Variants in TTC7B observed in about 807,000 individuals in gnomAD.
TTC7B encodes tetratricopeptide repeat protein 7B.
A neutral mutation model predicts 106.8 loss-of-function variants in TTC7B; 28 were observed. The ratio of observed to expected loss-of-function variants is 0.26; its 90% confidence interval spans 0.19 to 0.36. The LOEUF is 0.36. TTC7B is among the 10% of genes least tolerant of loss of function. TTC7B has a pLI of 1.00. For missense variants in TTC7B, 862 were observed against 1,076.4 expected (o/e 0.80, Z 2.79); for synonymous variants, 405 against 430.6 (o/e 0.94, Z 0.74).
chr14:90,620,637 C>A (rs1163692444), intron 15 of TTC7B, among the ~76,000 whole-genome samples: 1 of 152,164 alleles, frequency 6.6e-6, no homozygotes, highest in Admixed American at 6.5e-5. Context: ...GGGGGCCATG[C>A]CAAGAACTCC....
intron 15 of TTC7B, among the ~76,000 whole-genome samples, chr14:90,633,890 G>A (rs1183438895): frequency 6.6e-6 from 1 of 150,896 alleles, no homozygotes; most frequent in Non-Finnish European, 1.5e-5. Flanking sequence ...TTTTTCGGGA[G>A]TGGGGACGGA....
At chr14:90,638,537 A>C (rs1885040851) in intron 15 of TTC7B, among the ~76,000 whole-genome samples, 1 of 152,218 alleles carries the variant, frequency 6.6e-6, no homozygotes, top group Non-Finnish European at 1.5e-5. Flanking sequence ...TCTAGTAAAA[A>C]ATGGGCAAAA....
At chr14:90,748,559 T>C (rs538515065) in intron 3 of TTC7B, among the ~76,000 whole-genome samples, 1 of 152,180 alleles carries the variant, frequency 6.6e-6, no homozygotes, top group East Asian at 1.9e-4. Flanking sequence ...ACTCCTGACC[T>C]CAAGTGATCT....
chr14:90,791,588 A>T (rs1447145335), intron 1 of TTC7B, among the ~76,000 whole-genome samples: 1 of 152,114 alleles, frequency 6.6e-6, no homozygotes, highest in East Asian at 1.9e-4. Context: ...CTGCCCCGTG[A>T]CTACGTTATG....
intron 4 of TTC7B, among the ~76,000 whole-genome samples, chr14:90,734,131 G>C (rs1409547203): frequency 2.0e-5 from 3 of 152,012 alleles, no homozygotes. Flanking sequence ...TCGAAAGGAG[G>C]AAACAGGCCA....
At chr14:90,604,351 G>T (rs1892552873) in intron 17 of TTC7B, among the ~76,000 whole-genome samples, 1 of 152,208 alleles carries the variant, frequency 6.6e-6, no homozygotes. Context: ...CATACACGGT[G>T]TTTAAACAGT....
At chr14:90,637,408 C>T (rs1024726815) in intron 15 of TTC7B, among the ~76,000 whole-genome samples, 6 of 151,706 alleles carry the variant, frequency 4.0e-5, no homozygotes, top group South Asian at 2.1e-4. Flanking sequence ...AGAAAAACCC[C>T]CCCCCAGCCC....
At chr14:90,716,593 T>C (rs921671561) in intron 5 of TTC7B, among the ~76,000 whole-genome samples, 8 of 152,170 alleles carry the variant, frequency 5.3e-5, no homozygotes, top group African/African-American at 1.9e-4. Flanking sequence ...AGTTTTTTGT[T>C]TGTTTTTGTG....
At chr14:90,730,482 G>A (rs57404106) in intron 4 of TTC7B, among the ~76,000 whole-genome samples, 14,297 of 152,200 alleles carry the variant, frequency 0.094, 1,599 homozygotes, top group African/African-American at 0.27. Context: ...CACTAGAGGC[G>A]GAGAGGCCCT....
intron 17 of TTC7B, among the ~76,000 whole-genome samples, chr14:90,594,901 C>T (rs943802997): frequency 6.6e-6 from 1 of 152,132 alleles, no homozygotes; most frequent in East Asian, 1.9e-4. Context: ...TCTAAATGCA[C>T]CTGAATCCTT....
rs936942332 is a variant in TTC7B, at chr14:90,786,398, G to A, written c.122-70C>T. 34 of 1,585,104 alleles carry A rather than the reference G, an allele frequency of 2.1e-5. 1 individual carries two copies. The African/African-American group carries it at 3.5e-4, about 16-fold the overall frequency. ...GCATGTAGGACCCCCTCACTCAAGGGACCCCAGAACCACCACCCTCCGAGG... is the reference window on the plus strand; with the variant it reads ...GCATGTAGGACCCCCTCACTCAAGGAACCCCAGAACCACCACCCTCCGAGG... On this transcript the variant is annotated intron_variant, in intron 1 of 19. Transcript: ENST00000328459.
chr14:90,582,896 G>A (rs1891557211), intron 18 of TTC7B, among the ~76,000 whole-genome samples: 1 of 152,208 alleles, frequency 6.6e-6, no homozygotes, highest in Admixed American at 6.5e-5. Context: ...AGTTTGAGAT[G>A]GAGTTGGAGA....
intron 17 of TTC7B, among the ~76,000 whole-genome samples, chr14:90,605,444 T>C (rs541048252): frequency 1.3e-5 from 2 of 152,358 alleles, no homozygotes; most frequent in East Asian, 1.9e-4. Flanking sequence ...GGTTTCCTTC[T>C]GCCCCAAACA....
chr14:90,809,455 G>A (rs999545116), intron 1 of TTC7B, among the ~76,000 whole-genome samples: 3 of 152,222 alleles, frequency 2.0e-5, no homozygotes, highest in African/African-American at 4.8e-5. Flanking sequence ...CCCAATCAAG[G>A]AGGAAAATGG....
chr14:90,640,619 A>G (rs913870246), intron 15 of TTC7B, among the ~76,000 whole-genome samples: 3 of 152,230 alleles, frequency 2.0e-5, no homozygotes, highest in Admixed American at 6.5e-5. Context: ...ATTTTATTCC[A>G]TATTTAAGAA....
chr14:90,816,227 C>T lies in TTC7B; in HGVS notation c.69G>A (p.Trp23Ter). Residue 23 changes from tryptophan (W) to a stop codon, truncating the protein, a stop_gained, in exon 1 of 20, where the codon TGG (tryptophan) becomes TGA (stop). Coordinates refer to ENST00000328459, the MANE Select transcript of TTC7B (RefSeq NM_001010854.2). LOFTEE classifies it high-confidence loss of function. ...EIERCRSECQ[W>*]ERIPELVKQL... ...GCTTGACGAGCTCAGGGATCCGCTC[C>T]CACTGGCACTCGGAGCGGCAGCGCT... is the stretch of plus-strand genomic sequence containing the variant. The T allele has an allele frequency of 7.8e-7, 1 of 1,274,082 alleles. No individual in the cohort carries two copies. The allele number at this position is 1,274,082 out of a possible 1,614,324, so 78.9% of individuals were successfully genotyped here.
At chr14:90,579,329 C>T (rs1254384963) in intron 18 of TTC7B, among the ~76,000 whole-genome samples, 1 of 152,234 alleles carries the variant, frequency 6.6e-6, no homozygotes, top group Non-Finnish European at 1.5e-5. Flanking sequence ...CTTCTCCCAC[C>T]TGCAGGCCAG....
intron 7 of TTC7B, among the ~76,000 whole-genome samples, chr14:90,682,716 G>A (rs1464707345): frequency 6.6e-6 from 1 of 152,116 alleles, no homozygotes; most frequent in Admixed American, 6.5e-5. Context: ...GGGGAAGGTG[G>A]GGGACGAAAG....
chr14:90,598,145 C>A, intron 17 of TTC7B, among the ~76,000 whole-genome samples: 1 of 152,218 alleles, frequency 6.6e-6, no homozygotes, highest in East Asian at 1.9e-4. Context: ...TGCGCCTCTC[C>A]CCGCAGTCAC....
Sources: gnomAD v4.1 joint callset for allele counts (sites outside exome capture counted in the v4.1 genomes callset) on GRCh38, gnomAD v4.1.1 for gene constraint, MANE v1.5 for transcripts, NCBI Gene and HGNC (gene_info 2026-07-23, HGNC 2026-07-21) for gene names.